The following MTMR8 variants were observed in gnomAD, a reference collection of about 807,000 sequenced individuals.
MTMR8 encodes phosphatidylinositol-3,5-bisphosphate 3-phosphatase MTMR8.
MTMR8 carries 65 observed loss-of-function variants against 39.3 expected under a neutral mutation model. That is an observed-to-expected ratio of 1.65 (90% CI 1.35 to 2.03). The LOEUF is 2.03. MTMR8 is among the 30% of genes most tolerant of loss of function. MTMR8 has a pLI of 0.00. For missense variants in MTMR8, 777 were observed against 538.9 expected, an observed-to-expected ratio of 1.44 and a Z score of -4.37; for synonymous variants, 245 against 185.2, an observed-to-expected ratio of 1.32 and a Z score of -2.62.
chrX:64,272,122 A>G (rs747484454), intron 12 of MTMR8, among the ~76,000 whole-genome samples: 26 of 111,885 alleles, frequency 2.3e-4, no homozygotes, highest in Non-Finnish European at 4.5e-4. Flanking sequence ...TACAAGGCCA[A>G]TCCATATGAC....
intron 12 of MTMR8, among the ~76,000 whole-genome samples, chrX:64,284,255 G>A (rs1213561787): frequency 1.8e-5 from 2 of 111,846 alleles, no homozygotes; most frequent in African/African-American, 6.5e-5. Flanking sequence ...GAAATGAAGT[G>A]AGAAGAGAAG....
At chrX:64,385,316 T>C (rs1326918988) in intron 1 of MTMR8, among the ~76,000 whole-genome samples, 2 of 111,495 alleles carry the variant, frequency 1.8e-5, no homozygotes, top group Non-Finnish European at 3.8e-5. Context: ...ATTTAACCAG[T>C]CTCTAGGAAG....
chrX:64,367,861 C>A (rs1295565307), intron 1 of MTMR8, among the ~76,000 whole-genome samples: 1 of 111,424 alleles, frequency 9.0e-6, no homozygotes, highest in Non-Finnish European at 1.9e-5. Flanking sequence ...CTAGAAAACC[C>A]CATTGTCTCA....
rs769532211 is a variant in MTMR8 at position 64,365,087 on chromosome X, C to A, written c.25-5560G>T. On this transcript the variant is annotated intron_variant, in intron 1 of 13. Transcript: ENST00000374852. ...CAAAAGAGTAAAAAGAAAGAAAAAG[C>A]CTCCAAGAAATATGGGATTATGTGA... Among the ~76,000 whole-genome samples, 8 of 111,196 alleles carry A rather than the reference C, an allele frequency of 7.2e-5. No individual in the cohort carries two copies. The East Asian group carries it at 2.0e-3, about 28-fold the overall frequency.
chrX:64,355,573 A>T (rs1326546247), intron 3 of MTMR8, among the ~76,000 whole-genome samples: 1 of 111,372 alleles, frequency 9.0e-6, no homozygotes, highest in Non-Finnish European at 1.9e-5. Context: ...AATATTGAGG[A>T]ATTACTCTGA....
chrX:64,329,843 C>G (rs181087413), intron 11 of MTMR8, among the ~76,000 whole-genome samples: 43 of 111,590 alleles, frequency 3.9e-4, no homozygotes, highest in African/African-American at 1.3e-3. Flanking sequence ...GGTAAGGTAA[C>G]TAATTTGTTG....
chrX:64,385,790 C>T (rs939665647), intron 1 of MTMR8, among the ~76,000 whole-genome samples: 1 of 111,161 alleles, frequency 9.0e-6, no homozygotes, highest in African/African-American at 3.3e-5. Flanking sequence ...AAGTCCATCC[C>T]CATGATCCAA....
At chrX:64,277,537 G>T (rs745549447) in intron 12 of MTMR8, among the ~76,000 whole-genome samples, 4 of 111,993 alleles carry the variant, frequency 3.6e-5, no homozygotes, top group African/African-American at 1.3e-4. Flanking sequence ...ATTCTGGGTT[G>T]AAAATTCTTT....
At chrX:64,370,877 G>C (rs1205559960) in intron 1 of MTMR8, among the ~76,000 whole-genome samples, 1 of 112,032 alleles carries the variant, frequency 8.9e-6, no homozygotes, top group Non-Finnish European at 1.9e-5. Flanking sequence ...GACAGACCAG[G>C]TATGGTGGAT....
intron 12 of MTMR8, among the ~76,000 whole-genome samples, chrX:64,289,670 G>A (rs778145074): frequency 1.0e-3 from 95 of 91,722 alleles, no homozygotes; most frequent in Non-Finnish European, 1.6e-3. Context: ...AATTAAGTTG[G>A]GAGCAAGGAC....
chrX:64,342,891 T>TA (rs1923255387), intron 8 of MTMR8, among the ~76,000 whole-genome samples: 2 of 112,105 alleles, frequency 1.8e-5, no homozygotes, highest in African/African-American at 6.5e-5. Flanking sequence ...TAGAAATACA[T>TA]AAAAACAAAA....
chrX:64,337,960 C>A (rs1038244456), intron 8 of MTMR8, among the ~76,000 whole-genome samples: 1 of 111,953 alleles, frequency 8.9e-6, no homozygotes, highest in South Asian at 3.7e-4. Context: ...TTTATTCATT[C>A]TAACAATTTT....
Position 64,270,787 on chromosome X carries a change from G to A in MTMR8, c.1608+160C>T, listed in dbSNP as rs374092923. Among the ~76,000 whole-genome samples the A allele has an allele frequency of 8.1e-5, 9 of 111,530 alleles. No individual in the cohort carries two copies. The East Asian group carries it at 2.3e-3, about 28-fold the overall frequency. ...TACCACATTTTGGGAAGTAAGAAAA[G>A]GAGTTATGCTCAGAGATTTGTAGAC... On this transcript the variant is annotated intron_variant, in intron 13 of 13. Transcript: ENST00000374852.
chrX:64,392,816 C>T (rs1313153860), intron 1 of MTMR8, among the ~76,000 whole-genome samples: 1 of 111,492 alleles, frequency 9.0e-6, no homozygotes, highest in Non-Finnish European at 1.9e-5. Flanking sequence ...TAATGACTGA[C>T]AAACTCAAAG....
At chrX:64,323,505 A>G (rs773090918) in intron 12 of MTMR8, among the ~76,000 whole-genome samples, 1 of 111,944 alleles carries the variant, frequency 8.9e-6, no homozygotes, top group South Asian at 3.7e-4. Context: ...TGGACAGATC[A>G]TCCAGACAGA....
intron 12 of MTMR8, among the ~76,000 whole-genome samples, chrX:64,296,202 A>G (rs1400700813): frequency 8.9e-6 from 1 of 111,902 alleles, no homozygotes; most frequent in Non-Finnish European, 1.9e-5. Context: ...TAAGCCAGAC[A>G]CAAACACATA....
chrX:64,305,889 G>A (rs369920431), intron 12 of MTMR8: 2 of 250,011 alleles, frequency 8.0e-6, no homozygotes, highest in East Asian at 8.9e-5. Context: ...GCTGAGGCAG[G>A]AGGATTCTTG....
At chrX:64,270,650 T>A (rs748985499) in intron 13 of MTMR8, among the ~76,000 whole-genome samples, 1 of 112,206 alleles carries the variant, frequency 8.9e-6, no homozygotes, top group Non-Finnish European at 1.9e-5. Context: ...GGATAACAAA[T>A]GCTATGTGAT....
intron 12 of MTMR8, among the ~76,000 whole-genome samples, chrX:64,273,789 A>C (rs1243935029): frequency 8.9e-6 from 1 of 111,740 alleles, no homozygotes; most frequent in Non-Finnish European, 1.9e-5. Context: ...ATTGTAACTT[A>C]AAAAAAGCAG....
Sources: allele counts gnomAD v4.1 joint callset (sites outside exome capture counted in the v4.1 genomes callset), GRCh38; gene constraint gnomAD v4.1.1; transcripts MANE v1.5; gene names NCBI Gene and HGNC (gene_info 2026-07-23, HGNC 2026-07-21).